Variants in POLR2F observed in about 807,000 individuals in gnomAD.
The protein encoded by POLR2F is RNA polymerase II, I and III subunit F.
In POLR2F, 12 loss-of-function variants were observed where a neutral mutation model predicts 22.7. The observed-to-expected ratio is 0.53, with a 90% CI of 0.34 to 0.86. The LOEUF is 0.86. Ranked by LOEUF, POLR2F falls within the 40% of genes least tolerant of loss-of-function variation. POLR2F has a pLI of 0.02. For missense variants in POLR2F, 126 were observed against 171.5 expected (o/e 0.73, Z 1.48); for synonymous variants, 57 against 66.0 (o/e 0.86, Z 0.66).
chr22:37,983,526 G>T, upstream of POLR2F: 1 of 1,610,336 alleles, frequency 6.2e-7, no homozygotes, highest in South Asian at 1.1e-5. This position sits in a 1 kb window ranked among gnomAD's most constrained non-coding sequence, Gnocchi z 9.5. Flanking sequence ...ATGGGCACCA[G>T]CGTCCAGTCG....
intron 1 of POLR2F, among the ~76,000 whole-genome samples, chr22:37,992,614 G>T (rs1175420293): frequency 3.9e-5 from 6 of 152,266 alleles, no homozygotes; most frequent in Non-Finnish European, 2.9e-5. Flanking sequence ...GCCCAGGCTG[G>T]TCTCAAACTC....
At chr22:38,036,993 C>T (rs200182448) in intron 5 of POLR2F, among the ~76,000 whole-genome samples, 3 of 152,210 alleles carry the variant, frequency 2.0e-5, no homozygotes, top group Non-Finnish European at 4.4e-5. Context: ...TCTAACATAA[C>T]ACCCCTCCCA....
At chr22:38,004,242 C>A (rs2084800967) in intron 1 of POLR2F, among the ~76,000 whole-genome samples, 1 of 152,096 alleles carries the variant, frequency 6.6e-6, no homozygotes, top group Admixed American at 6.6e-5. Flanking sequence ...GACCCTCCCA[C>A]CTCCCTGAGA....
In POLR2F at chr22:37,968,327, C is replaced by T; in HGVS notation, c.*612C>T. 1 of 985,974 alleles carries T rather than the reference C, an allele frequency of 1.0e-6. No homozygotes were observed. The highest frequency in any genetic ancestry group is 1.2e-6 in the Non-Finnish European group (1 of 830,244). The allele number at this position is 985,974 out of a possible 1,614,324, so 61.1% of individuals were successfully genotyped here. ...GGACCGAGCACCTGCCTACCCCTGC[C>T]CCCATGGCTCTGTCCCCACTCCTCC... On this transcript the variant is annotated 3_prime_UTR_variant, in exon 5 of 5. Transcript: ENST00000442738.
upstream of POLR2F, among the ~76,000 whole-genome samples, chr22:37,982,842 T>C (rs1213145790): frequency 1.3e-5 from 2 of 152,094 alleles, no homozygotes; most frequent in Non-Finnish European, 2.9e-5. Flanking sequence ...AGCAGCAGAT[T>C]TGTCCCGCAG....
intron 2 of POLR2F, among the ~76,000 whole-genome samples, chr22:37,958,691 T>A (rs574757760): frequency 5.3e-4 from 81 of 152,116 alleles, no homozygotes; most frequent in Non-Finnish European, 1.0e-3. Flanking sequence ...ATCCCTGGAG[T>A]TTTCCTAACC....
In POLR2F at chr22:37,968,763, G is replaced by C; in HGVS notation, c.*1048G>C. The C allele has an allele frequency of 1.0e-6, 1 of 985,494 alleles. No homozygotes were observed. The highest frequency in any genetic ancestry group is 1.2e-6 in the Non-Finnish European group (1 of 829,958). The allele number at this position is 985,494 out of a possible 1,614,324, so 61.0% of individuals were successfully genotyped here. A position where few individuals can be genotyped will look rare whatever the true frequency, so the allele number is the denominator to read the frequency against. On this transcript the variant is annotated 3_prime_UTR_variant, in exon 5 of 5. Transcript: ENST00000442738. ...GCCAGCTCCCCTTCAAAGAGGAGGA[G>C]CTGGGCTTCCCTAACCTCTGCAGGA... is the stretch of plus-strand genomic sequence containing the variant.
chr22:38,001,328 A>G (rs1198469657), intron 1 of POLR2F, among the ~76,000 whole-genome samples: 2 of 152,224 alleles, frequency 1.3e-5, no homozygotes, highest in Non-Finnish European at 2.9e-5. Context: ...CTTTAGAGAG[A>G]ACAGATAAAA....
At chr22:38,020,230 CACACAT>C (rs1038908773) in intron 1 of POLR2F, among the ~76,000 whole-genome samples, 1 of 150,670 alleles carries the variant, frequency 6.6e-6, no homozygotes, top group African/African-American at 2.5e-5. Flanking sequence ...CACACACACA[CACACAT>C]ACATATATAT....
chr22:37,988,556 C>T (rs562305425), intron 1 of POLR2F, among the ~76,000 whole-genome samples: 1 of 152,050 alleles, frequency 6.6e-6, no homozygotes, highest in South Asian at 2.1e-4. Context: ...GAGCCTGAGG[C>T]AGGAGAATCA....
In POLR2F at chr22:38,020,200, CAT is replaced by C. The variant is rs973242663; in HGVS notation, c.121-5663_121-5662del. The stretch of plus-strand genomic sequence containing the variant: ...CTTGTCTCTGCTAAATACACACACA[CAT>C]ATATACACACACACACACACACACA... On this transcript the variant is annotated intron_variant, in intron 1 of 2. Transcript: ENST00000333418. Among the ~76,000 whole-genome samples the C allele has an allele frequency of 1.7e-4, 19 of 114,914 alleles. 1 individual carries two copies. The highest frequency in any genetic ancestry group is 5.8e-4 in the African/African-American group (15 of 25,878). The allele number at this position is 114,914 out of a possible 152,430, so 75.4% of individuals were successfully genotyped here. A position where few individuals can be genotyped will look rare whatever the true frequency, so the allele number is the denominator to read the frequency against.
At chr22:38,020,494 G>T (rs2084952282) in intron 1 of POLR2F, among the ~76,000 whole-genome samples, 2 of 150,208 alleles carry the variant, frequency 1.3e-5, no homozygotes, top group Admixed American at 6.6e-5. Flanking sequence ...GGCCAGGCTG[G>T]TCTCAAACTC....
chr22:38,037,439 A>AT lies in POLR2F; in HGVS notation c.453-3613dup, dbSNP rs10624395. Among the ~76,000 whole-genome samples, 410 of 124,174 alleles carry AT rather than the reference A, an allele frequency of 3.3e-3. 14 individuals are homozygous for AT. The highest frequency in any genetic ancestry group is 0.013 in the Middle Eastern group (3 of 228). 81.5% of individuals were successfully genotyped at this position (124,174 alleles called of 152,430 possible). A position where few individuals can be genotyped will look rare whatever the true frequency, so the allele number is the denominator to read the frequency against. ...CAGGTGCACACCACCATGCTCGGCT[A>AT]TTTTTTTTTTTTTTTTGTAGAGATG... is the stretch of plus-strand genomic sequence containing the variant. On this transcript the variant is annotated intron_variant, in intron 5 of 5. Transcript: ENST00000407936.
rs554397926 is a variant in POLR2F at position 38,016,648 on chromosome 22, T to A, written c.121-9221T>A. Reference sequence around the variant, plus strand: ...ATCCCTCTATTGTGTTCCTGGTTTATCTGGTTCCTCTTGTTTATGAGCAGG... The same window carrying A: ...ATCCCTCTATTGTGTTCCTGGTTTAACTGGTTCCTCTTGTTTATGAGCAGG... On this transcript the variant is annotated intron_variant, in intron 1 of 2. Coordinates refer to the POLR2F transcript ENST00000333418. The surrounding 1 kb of genome is among the most constrained non-coding windows in gnomAD (Gnocchi z 4.4). Among the ~76,000 whole-genome samples, 2 of 152,072 alleles carry A rather than the reference T, an allele frequency of 1.3e-5. No homozygotes were observed. Among genetic ancestry groups the A allele is most frequent in the South Asian group, 4.2e-4 (2 of 4,818 alleles).
downstream of POLR2F, among the ~76,000 whole-genome samples, chr22:37,970,349 TC>T (rs767703056): frequency 6.9e-6 from 1 of 144,982 alleles, no homozygotes; most frequent in Non-Finnish European, 1.5e-5. Flanking sequence ...ACGCCTGTAA[TC>T]CCAGCACTTT....
chr22:38,024,063 C>G (rs1266936799), intron 1 of POLR2F, among the ~76,000 whole-genome samples: 1 of 151,938 alleles, frequency 6.6e-6, no homozygotes, highest in African/African-American at 2.4e-5. Flanking sequence ...AGGCTGGTCT[C>G]GAACTCCTGA....
At chr22:38,023,064 G>A (rs1011864373) in intron 1 of POLR2F, among the ~76,000 whole-genome samples, 2 of 152,162 alleles carry the variant, frequency 1.3e-5, no homozygotes, top group African/African-American at 4.8e-5. Flanking sequence ...TAAGCATTGA[G>A]ATTCTCCTTC....
At chr22:37,996,606 C>A (rs2145794093) in intron 1 of POLR2F, among the ~76,000 whole-genome samples, 1 of 152,340 alleles carries the variant, frequency 6.6e-6, no homozygotes, top group African/African-American at 2.4e-5. Context: ...GTGTGCCCAG[C>A]CCTGTGCAGA....
intron 1 of POLR2F, among the ~76,000 whole-genome samples, chr22:38,008,555 A>AT (rs2084843195): frequency 6.7e-6 from 1 of 148,316 alleles, no homozygotes; most frequent in Non-Finnish European, 1.5e-5. Context: ...AAAAAAAAAA[A>AT]CCAACAAACA....
Sources: allele counts gnomAD v4.1 joint callset (sites outside exome capture counted in the v4.1 genomes callset), GRCh38; gene constraint gnomAD v4.1.1; non-coding constraint Gnocchi (gnomAD v3.1); transcripts MANE v1.5; gene names NCBI Gene and HGNC (gene_info 2026-07-23, HGNC 2026-07-21).